Variants in PHTF2 observed in about 807,000 individuals in gnomAD.
PHTF2 encodes the protein putative homeodomain transcription factor 2, also known as protein PHTF2.
PHTF2 carries 60 observed loss-of-function variants against 101.2 expected under a neutral mutation model. That is an observed-to-expected ratio of 0.59 (90% CI 0.48 to 0.73). The LOEUF (loss-of-function observed/expected upper bound fraction) is 0.73, where lower values mean the gene tolerates loss of function less well. Among genes scored for constraint, PHTF2 ranks in the 30% least tolerant of loss-of-function variants. The pLI, the probability that PHTF2 is intolerant of heterozygous loss-of-function variation, is 0.00. For missense variants in PHTF2, 747 were observed against 908.7 expected (o/e 0.82, Z 2.29); for synonymous variants, 311 against 307.3 (o/e 1.01, Z -0.13).
intron 10 of PHTF2, among the ~76,000 whole-genome samples, chr7:77,921,015 AGTT>A (rs1187245790): frequency 6.6e-6 from 1 of 152,156 alleles, no homozygotes; most frequent in Non-Finnish European, 1.5e-5. Context: ...TATAATTTAC[AGTT>A]GTTGTTTGTT....
At chr7:77,898,259 G>A (rs529438672) in intron 5 of PHTF2, among the ~76,000 whole-genome samples, 1 of 152,134 alleles carries the variant, frequency 6.6e-6, no homozygotes, top group East Asian at 1.9e-4. Flanking sequence ...AAAATTTTAG[G>A]TATACAGCAA....
chr7:77,840,380 AG>A (rs1188026013), intron 2 of PHTF2, 80 bp downstream of exon 2: 1 of 825,690 alleles, frequency 1.2e-6, no homozygotes, highest in African/African-American at 1.7e-5. Flanking sequence ...TATAGATGTT[AG>A]GATTTTGAGT....
chr7:77,926,706 C>T (rs1005227305), intron 11 of PHTF2, among the ~76,000 whole-genome samples: 1 of 152,014 alleles, frequency 6.6e-6, no homozygotes, highest in South Asian at 2.1e-4. Flanking sequence ...CAGTGGCTCA[C>T]GCCTGTAATC....
At chr7:77,845,073 T>G (rs1361630545) in intron 2 of PHTF2, among the ~76,000 whole-genome samples, 1 of 152,358 alleles carries the variant, frequency 6.6e-6, no homozygotes, top group African/African-American at 2.4e-5. Context: ...GGCAAAATAC[T>G]CTGCTTTCAT....
chr7:77,867,809 T>C (rs1373746225), intron 3 of PHTF2, among the ~76,000 whole-genome samples: 4 of 152,208 alleles, frequency 2.6e-5, no homozygotes, highest in African/African-American at 9.7e-5. Flanking sequence ...TGTAATAAAG[T>C]AAATACTTAA....
Position 77,922,582 on chromosome 7 carries a change from T to A in PHTF2, c.964-41T>A, listed in dbSNP as rs1455571253. The stretch of plus-strand genomic sequence containing the variant: ...ATAGTTTAAAAGCTAAAAGGTTGGT[T>A]AGAAATTACCTATAATCCTCTTTGT... On this transcript the variant is annotated intron_variant, in intron 10 of 19. Coordinates refer to ENST00000416283, the Ensembl canonical transcript of PHTF2. 2.6e-6 allele frequency: 4 copies of A among 1,527,232 alleles called. No individual in the cohort carries two copies. In the African/African-American group the frequency reaches 5.5e-5, roughly 21 times the overall value. The allele number at this position is 1,527,232 out of a possible 1,614,324, so 94.6% of individuals were successfully genotyped here. A position where few individuals can be genotyped will look rare whatever the true frequency, so the allele number is the denominator to read the frequency against.
intron 1 of PHTF2, among the ~76,000 whole-genome samples, chr7:77,804,730 A>G (rs1254981787): frequency 2.0e-5 from 3 of 152,134 alleles, no homozygotes; most frequent in African/African-American, 4.8e-5. Context: ...CTGGTCCTCT[A>G]TCTACTAATA....
intron 13 of PHTF2, among the ~76,000 whole-genome samples, chr7:77,938,558 G>A (rs945223740): frequency 8.0e-5 from 12 of 149,276 alleles, no homozygotes; most frequent in African/African-American, 2.7e-4. Context: ...GTGAAACCCC[G>A]TCTCTACTAA....
At chr7:77,853,960 G>C (rs1450868389) in intron 2 of PHTF2, among the ~76,000 whole-genome samples, 1 of 152,102 alleles carries the variant, frequency 6.6e-6, no homozygotes. Context: ...TAGTTCATTT[G>C]GTGAGGTCAT....
At chr7:77,952,102 T>A (rs1806597666) in intron 18 of PHTF2, among the ~76,000 whole-genome samples, 1 of 152,210 alleles carries the variant, frequency 6.6e-6, no homozygotes, top group East Asian at 1.9e-4. Flanking sequence ...TAATAATACA[T>A]AATTATCATA....
chr7:77,932,090 A>T (rs554861308), intron 12 of PHTF2, among the ~76,000 whole-genome samples: 1 of 152,240 alleles, frequency 6.6e-6, no homozygotes, highest in African/African-American at 2.4e-5. Context: ...GACAGAGCGG[A>T]CTCTGTCTCA....
At chr7:77,919,879 A>C (rs1418861262) in intron 9 of PHTF2, among the ~76,000 whole-genome samples, 2 of 152,208 alleles carry the variant, frequency 1.3e-5, no homozygotes, top group African/African-American at 4.8e-5. Context: ...GAATTTATCA[A>C]ACTAAGTTAA....
chr7:77,859,564 CT>C (rs34014317), intron 3 of PHTF2, among the ~76,000 whole-genome samples: 54,318 of 131,372 alleles, frequency 0.41, 11,154 homozygotes, highest in African/African-American at 0.62. Context: ...TTTCTTTCTT[CT>C]TTTTTTTTTT....
At chr7:77,866,988 G>T (rs1207498195) in intron 3 of PHTF2, among the ~76,000 whole-genome samples, 1 of 152,134 alleles carries the variant, frequency 6.6e-6, no homozygotes, top group African/African-American at 2.4e-5. Flanking sequence ...GAAGCATTAG[G>T]TAATAGCCAG....
chr7:77,872,720 A>C (rs1365170827), intron 3 of PHTF2, among the ~76,000 whole-genome samples: 1 of 152,176 alleles, frequency 6.6e-6, no homozygotes, highest in Non-Finnish European at 1.5e-5. Context: ...AATCTAGTTC[A>C]CAAGGCATTG....
At chr7:77,889,140 CTAAG>C (rs1160209874) in intron 3 of PHTF2, among the ~76,000 whole-genome samples, 2 of 152,234 alleles carry the variant, frequency 1.3e-5, no homozygotes, top group East Asian at 3.9e-4. Context: ...TTTCCTAGTC[CTAAG>C]TGTCACTTCT....
At chr7:77,898,426 C>T (rs1445326943) in intron 5 of PHTF2, among the ~76,000 whole-genome samples, 3 of 152,136 alleles carry the variant, frequency 2.0e-5, no homozygotes, top group African/African-American at 7.2e-5. Flanking sequence ...ATAAACAATA[C>T]TAAATCCAAA....
chr7:77,922,610 A>G lies in PHTF2; in HGVS notation c.964-13A>G, dbSNP rs769513619. ...AAATTACCTATAATCCTCTTTGTGT[A>G]CTCCCAACTTAGGATACCCAAAGGA... On this transcript the variant is annotated splice_polypyrimidine_tract_variant and intron_variant, in intron 10 of 19. Transcript: ENST00000416283. 1 of 1,595,644 alleles carries G rather than the reference A, an allele frequency of 6.3e-7. No individual in the cohort carries two copies. Among genetic ancestry groups the G allele is most frequent in the South Asian group, 1.1e-5 (1 of 88,358 alleles).
chr7:77,867,356 G>A (rs987623410), intron 3 of PHTF2, among the ~76,000 whole-genome samples: 2 of 152,168 alleles, frequency 1.3e-5, no homozygotes, highest in Non-Finnish European at 2.9e-5. Flanking sequence ...TTACTGGTGG[G>A]TAAGAGCACA....
Sources: allele counts gnomAD v4.1 joint callset (sites outside exome capture counted in the v4.1 genomes callset), GRCh38; gene constraint gnomAD v4.1.1; transcripts MANE v1.5; gene names NCBI Gene and HGNC (gene_info 2026-07-23, HGNC 2026-07-21).